The following SLC9A1 variants were observed in gnomAD, a reference collection of about 807,000 sequenced individuals.
SLC9A1 encodes the protein solute carrier family 9 member A1.
Under a neutral mutation model 67.9 loss-of-function variants are expected in SLC9A1, and 22 were observed. The observed-to-expected ratio is 0.32, with a 90% CI of 0.23 to 0.46. SLC9A1 has a LOEUF of 0.46. Ranked by LOEUF, SLC9A1 falls within the 20% of genes least tolerant of loss-of-function variation. The pLI, the probability that SLC9A1 is intolerant of heterozygous loss-of-function variation, is 1.00. For synonymous variants in SLC9A1, 421 were observed against 471.8 expected (o/e 0.89, Z 1.40); for missense variants, 686 against 1,094.8 (o/e 0.63, Z 5.27).
intron 2 of SLC9A1, among the ~76,000 whole-genome samples, chr1:27,113,412 C>G (rs1381773847): frequency 1.3e-5 from 2 of 152,074 alleles, no homozygotes; most frequent in African/African-American, 4.8e-5. Context: ...GAGTTATGAC[C>G]GTACCAGTTC....
intron 1 of SLC9A1, among the ~76,000 whole-genome samples, chr1:27,144,264 A>G (rs990088937): frequency 6.6e-6 from 1 of 152,202 alleles, no homozygotes; most frequent in Admixed American, 6.5e-5. Flanking sequence ...TCCCAGGAAA[A>G]GCTTAATTCA....
Position 27,110,954 on chromosome 1 carries a change from G to A in SLC9A1, c.814-1177C>T, listed in dbSNP as rs574389945. On this transcript the variant is annotated intron_variant, in intron 2 of 11. Coordinates refer to ENST00000263980, the MANE Select transcript of SLC9A1 (RefSeq NM_003047.5). The stretch of plus-strand genomic sequence containing the variant: ...GGACCTGGAGCAGGAGGAATGGACC[G>A]TGAGGAGTGACCTGTCTAGGGCACA... Among the ~76,000 whole-genome samples, 13 of 152,330 alleles carry A rather than the reference G, an allele frequency of 8.5e-5. No individual in the cohort carries two copies. The South Asian group carries it at 1.2e-3, about 15-fold the overall frequency.
At chr1:27,149,534 G>A (rs1015013122) in intron 1 of SLC9A1, among the ~76,000 whole-genome samples, 2 of 152,204 alleles carry the variant, frequency 1.3e-5, no homozygotes, top group African/African-American at 4.8e-5. Context: ...CACTGTTATG[G>A]ATAAACAATA....
intron 2 of SLC9A1, among the ~76,000 whole-genome samples, chr1:27,112,610 G>T (rs1258614006): frequency 6.6e-6 from 1 of 151,836 alleles, no homozygotes; most frequent in East Asian, 1.9e-4. Flanking sequence ...CTGGCTGGGC[G>T]CAGTGGCTCA....
In SLC9A1 at chr1:27,114,359, C is replaced by G; in HGVS notation, c.353-73G>C. On this transcript the variant is annotated intron_variant, in intron 1 of 11. Coordinates refer to ENST00000263980, the MANE Select transcript of SLC9A1 (RefSeq NM_003047.5). The surrounding 1 kb of genome is among the most constrained non-coding windows in gnomAD (Gnocchi z 5.4). ...GGAGAATAGAAGGTTGGGGATGGGC[C>G]GGGGATGAGGAGCGCAGTTGGTGAG... 7.7e-7 allele frequency: 1 copy of G among 1,293,480 alleles called. No individual in the cohort carries two copies. Among genetic ancestry groups the G allele is most frequent in the East Asian group, 2.4e-5 (1 of 41,198 alleles). 80.1% of individuals were successfully genotyped at this position (1,293,480 alleles called of 1,614,324 possible).
Position 27,101,118 on chromosome 1 carries a change from G to T in SLC9A1, c.2110+85C>A. The T allele has an allele frequency of 9.6e-7, 1 of 1,046,854 alleles. No homozygotes were observed. Among genetic ancestry groups the T allele is most frequent in the Non-Finnish European group, 1.4e-6 (1 of 695,694 alleles). The allele number at this position is 1,046,854 out of a possible 1,614,324, so 64.8% of individuals were successfully genotyped here. A position where few individuals can be genotyped will look rare whatever the true frequency, so the allele number is the denominator to read the frequency against. On this transcript the variant is annotated intron_variant, in intron 11 of 11. Transcript: ENST00000263980. This position sits in a 1 kb window ranked among gnomAD's most constrained non-coding sequence, Gnocchi z 4.9. ...GAGGGCCAGGCCTGTCCTCCCAGTG[G>T]CTGAGGACTGTTCCTGTGGAGCCCC...
Position 27,102,371 on chromosome 1 carries a change from G to C in SLC9A1, c.1820+14C>G, listed in dbSNP as rs760434964. The C allele has an allele frequency of 3.2e-6, 5 of 1,570,590 alleles. No homozygotes were observed. In the South Asian group the frequency reaches 5.8e-5, roughly 18 times the overall value. On this transcript the variant is annotated intron_variant, in intron 8 of 11. Transcript: ENST00000263980. The stretch of plus-strand genomic sequence containing the variant: ...GTGTGGGAGCAGAAGCTGCCTGGTT[G>C]CCCCAGCACTCACTGCATGGAGACG...
At chr1:27,139,999 A>T (rs12751830) in intron 1 of SLC9A1, among the ~76,000 whole-genome samples, 55,652 of 151,496 alleles carry the variant, frequency 0.37, 10,796 homozygotes, top group African/African-American at 0.46. Flanking sequence ...CACCATGTTG[A>T]CCAGGCTGGT....
In SLC9A1 at chr1:27,141,133, C is replaced by T. The variant is rs186409079; in HGVS notation, c.352+12850G>A. On this transcript the variant is annotated intron_variant, in intron 1 of 11. Transcript: ENST00000263980. ...AGGAGAATCGCTTGAAGCAGGGAGG[C>T]AGAGGTTGCAGTGAGCCAAGATTGT... is the stretch of plus-strand genomic sequence containing the variant. Among the ~76,000 whole-genome samples the T allele has an allele frequency of 4.2e-3, 646 of 152,248 alleles. 4 individuals carry two copies. The highest frequency in any genetic ancestry group is 0.015 in the African/African-American group (611 of 41,540).
rs188376016 is a variant in SLC9A1 at position 27,151,220 on chromosome 1, G to A, written c.352+2763C>T. 1.1e-4 allele frequency among the ~76,000 whole-genome samples: 16 copies of A among 152,328 alleles called. No individual in the cohort carries two copies. The East Asian group carries it at 3.1e-3, about 29-fold the overall frequency. On this transcript the variant is annotated intron_variant, in intron 1 of 11. Coordinates refer to ENST00000263980, the MANE Select transcript of SLC9A1 (RefSeq NM_003047.5). ...AGGCTGAGGTAGGGATGCATTTGCT[G>A]TAGGTGGTTAAAATATTAACAGGGG...
In SLC9A1 at chr1:27,131,940, A is replaced by AG. The variant is rs1222195023; in HGVS notation, c.353-17655_353-17654insC. On this transcript the variant is annotated intron_variant, in intron 1 of 11. Coordinates refer to ENST00000263980, the MANE Select transcript of SLC9A1 (RefSeq NM_003047.5). Reference sequence around the variant, plus strand: ...CGTCTCAAAAAGAAGAAGAAGAAGAAAAAAAAAATATATATATATATATAT... The same window carrying AG: ...CGTCTCAAAAAGAAGAAGAAGAAGAAGAAAAAAAATATATATATATATATAT... Among the ~76,000 whole-genome samples, 54 of 68,960 alleles carry AG rather than the reference A, an allele frequency of 7.8e-4. 2 individuals carry two copies. The highest frequency in any genetic ancestry group is 7.1e-3 in the South Asian group (11 of 1,540). 45.2% of individuals were successfully genotyped at this position (68,960 alleles called of 152,430 possible).
Position 27,109,665 on chromosome 1 carries a change from C to T in SLC9A1, c.926G>A (p.Gly309Asp). ...GGCTGCGATGACCCCGTAGACCACGCCCACAAGCACCCCGCCCAGGGCCAC... is the reference window on the plus strand; with the variant it reads ...GGCTGCGATGACCCCGTAGACCACGTCCACAAGCACCCCGCCCAGGGCCAC... ...FVVALGGVLVGVVYGVIAAFT... is the reference protein window; with the variant it reads ...FVVALGGVLVDVVYGVIAAFT... Residue 309 changes from glycine to aspartate, a missense_variant, in exon 3 of 12, where the codon GGC becomes GAC. Physicochemically the swap from Gly to Asp is moderately conservative, Grantham distance 94. Transcript: ENST00000263980. The surrounding 1 kb of genome is among the most constrained non-coding windows in gnomAD (Gnocchi z 5.5). The T allele has an allele frequency of 6.2e-7, 1 of 1,613,938 alleles. No individual in the cohort carries two copies. The highest frequency in any genetic ancestry group is 8.5e-7 in the Non-Finnish European group (1 of 1,179,982).
intron 5 of SLC9A1, among the ~76,000 whole-genome samples, chr1:27,104,895 AT>A (rs1171065278): frequency 3.3e-5 from 5 of 152,192 alleles, no homozygotes; most frequent in Admixed American, 6.5e-5. Context: ...AGGCAGAGCA[AT>A]TTGCACCATC....
At chr1:27,145,703 T>G (rs1409686196) in intron 1 of SLC9A1, among the ~76,000 whole-genome samples, 1 of 152,148 alleles carries the variant, frequency 6.6e-6, no homozygotes, top group Non-Finnish European at 1.5e-5. Flanking sequence ...TGAATCTCAG[T>G]TAGAACTGCT....
intron 4 of SLC9A1, 118 bp downstream of exon 4, chr1:27,107,530 A>C (rs1040066598): frequency 1.6e-5 from 12 of 756,740 alleles, no homozygotes; most frequent in Non-Finnish European, 2.6e-5. Context: ...CACACACCAC[A>C]TAGCCTGGCC....
At chr1:27,112,233 C>A (rs2083233115) in intron 2 of SLC9A1, among the ~76,000 whole-genome samples, 1 of 152,182 alleles carries the variant, frequency 6.6e-6, no homozygotes, top group South Asian at 2.1e-4. Context: ...TCAGGCTATT[C>A]TACCCAGCCC....
chr1:27,107,507 A>T, intron 4 of SLC9A1, 141 bp downstream of exon 4: 1 of 672,388 alleles, frequency 1.5e-6, no homozygotes, highest in Admixed American at 2.2e-5. Context: ...ATACTTATAC[A>T]CTGCACCACA....
Position 27,137,888 on chromosome 1 carries a change from C to T in SLC9A1, c.352+16095G>A, listed in dbSNP as rs1425018211. Among the ~76,000 whole-genome samples the T allele has an allele frequency of 2.6e-5, 4 of 152,218 alleles. No homozygotes were observed. Among genetic ancestry groups the T allele is most frequent in the Non-Finnish European group, 5.9e-5 (4 of 68,040 alleles). On this transcript the variant is annotated intron_variant, in intron 1 of 11. Coordinates refer to ENST00000263980, the MANE Select transcript of SLC9A1 (RefSeq NM_003047.5). The surrounding 1 kb of genome is among the most constrained non-coding windows in gnomAD (Gnocchi z 4.6). ...GCCCACTCTGCTCCAGCGTCCTGCT[C>T]GCCCCTCCCTGCTAGCAGCTCTCCT...
intron 1 of SLC9A1, among the ~76,000 whole-genome samples, chr1:27,140,992 G>A (rs1173508648): frequency 3.3e-5 from 5 of 152,118 alleles, no homozygotes; most frequent in Non-Finnish European, 7.4e-5. Flanking sequence ...GGGATCACTT[G>A]AGGTCAGGGG....
Sources: gnomAD v4.1 joint callset for allele counts (sites outside exome capture counted in the v4.1 genomes callset) on GRCh38, gnomAD v4.1.1 for gene constraint, Gnocchi (gnomAD v3.1) non-coding constraint, MANE v1.5 for transcripts, NCBI Gene and HGNC (gene_info 2026-07-23, HGNC 2026-07-21) for gene names.